Variants in ATP13A4 observed in about 807,000 individuals in gnomAD.
ATP13A4 encodes the protein ATPase 13A4.
A neutral mutation model predicts 142.5 loss-of-function variants in ATP13A4; 114 were observed. That is an observed-to-expected ratio of 0.80 (90% CI 0.69 to 0.93). The LOEUF is 0.93. Among genes scored for constraint, ATP13A4 ranks in the 40% least tolerant of loss-of-function variants. The pLI, the probability that ATP13A4 is intolerant of heterozygous loss-of-function variation, is 0.00. For synonymous variants in ATP13A4, 488 were observed against 514.8 expected, an observed-to-expected ratio of 0.95 and a Z score of 0.70; for missense variants, 1,392 against 1,454.0, an observed-to-expected ratio of 0.96 and a Z score of 0.69.
At chr3:193,566,981 A>G (rs1379932316) in intron 2 of ATP13A4, among the ~76,000 whole-genome samples, 3 of 152,210 alleles carry the variant, frequency 2.0e-5, no homozygotes, top group African/African-American at 7.2e-5. Flanking sequence ...CTTCAACTCT[A>G]TAAAACAGAT....
At chr3:193,486,826 A>G (rs1035481520) in intron 7 of ATP13A4, among the ~76,000 whole-genome samples, 11 of 152,196 alleles carry the variant, frequency 7.2e-5, no homozygotes, top group African/African-American at 2.4e-4. Flanking sequence ...ACTTACATGA[A>G]AAGATCCTCA....
At chr3:193,519,671 C>T (rs901057484) in intron 1 of ATP13A4, among the ~76,000 whole-genome samples, 27 of 105,992 alleles carry the variant, frequency 2.5e-4, no homozygotes, top group African/African-American at 1.0e-3. Context: ...CAGAATCTTG[C>T]TCTGACTCTG....
chr3:193,402,851 T>C lies in ATP13A4; in HGVS notation c.3392A>G (p.Glu1131Gly), dbSNP rs1714317781. The C allele has an allele frequency of 6.2e-7, 1 of 1,613,976 alleles. No homozygotes were observed. Among genetic ancestry groups the C allele is most frequent in the Non-Finnish European group, 8.5e-7 (1 of 1,179,972 alleles). ...AATCATCATCCACAGGGCTCGATTTTCAATAACAGCCTCCTGCAAAATAAA... is the reference window on the plus strand; with the variant it reads ...AATCATCATCCACAGGGCTCGATTTCCAATAACAGCCTCCTGCAAAATAAA... Reference protein sequence around the residue: ...VSLVAEEAVIENRALWMMIKR... With the variant: ...VSLVAEEAVIGNRALWMMIKR... The change falls in exon 30 of 30, where the codon GAA (glutamate) becomes GGA (glycine). Residue 1131 changes from glutamate (E) to glycine (G), a missense_variant. Transcript: ENST00000342695.
At chr3:193,471,105 A>T in intron 8 of ATP13A4, 112 bp from the exon 9 acceptor site, 1 of 1,384,788 alleles carries the variant, frequency 7.2e-7, no homozygotes. Context: ...TTTTTTTTTT[A>T]GAAAGGAGAA....
chr3:193,568,811 A>G (rs562264921), intron 2 of ATP13A4, among the ~76,000 whole-genome samples: 1 of 152,344 alleles, frequency 6.6e-6, no homozygotes, highest in Non-Finnish European at 1.5e-5. Context: ...GGAGCTCCCA[A>G]TGGCCAAAGT....
intron 1 of ATP13A4, among the ~76,000 whole-genome samples, chr3:193,522,920 T>A (rs1721801639): frequency 1.3e-5 from 2 of 152,182 alleles, no homozygotes; most frequent in African/African-American, 4.8e-5. Flanking sequence ...AATAAATAAA[T>A]ATTTTGTCTT....
intron 25 of ATP13A4, among the ~76,000 whole-genome samples, chr3:193,421,731 CATTATA>C (rs1248925993): frequency 6.7e-6 from 1 of 149,550 alleles, no homozygotes; most frequent in Non-Finnish European, 1.5e-5. Flanking sequence ...TAAAACAGTC[CATTATA>C]ATTATAAGAT....
At chr3:193,567,838 T>C (rs1724167483) in intron 2 of ATP13A4, among the ~76,000 whole-genome samples, 2 of 152,238 alleles carry the variant, frequency 1.3e-5, no homozygotes, top group Non-Finnish European at 2.9e-5. Context: ...GTTTAAAGCC[T>C]GCCTGGAGGT....
In ATP13A4 at chr3:193,414,781, G is replaced by A. The variant is rs779997321; in HGVS notation, c.2843-31C>T. The A allele has an allele frequency of 6.9e-6, 11 of 1,603,416 alleles. No individual in the cohort carries two copies. The Admixed American group carries it at 1.8e-4, about 27-fold the overall frequency. ...AAATAAATTCGAATTTTATATTTAT[G>A]AGAGCAGGAAAATGTATTCTTGATC... On this transcript the variant is annotated intron_variant, in intron 25 of 29. Coordinates refer to ENST00000342695, the MANE Select transcript of ATP13A4 (RefSeq NM_032279.4).
At chr3:193,574,294 G>C (rs1724349369) in intron 2 of ATP13A4, among the ~76,000 whole-genome samples, 1 of 152,228 alleles carries the variant, frequency 6.6e-6, no homozygotes, top group East Asian at 1.9e-4. Flanking sequence ...CACATCTCAA[G>C]CTCTCCTCTT....
At chr3:193,560,706 T>C (rs1469434299) in intron 2 of ATP13A4, among the ~76,000 whole-genome samples, 1 of 152,170 alleles carries the variant, frequency 6.6e-6, no homozygotes, top group Non-Finnish European at 1.5e-5. Context: ...GCTTAGGACA[T>C]AGCATTGGGC....
intron 1 of ATP13A4, among the ~76,000 whole-genome samples, chr3:193,587,470 G>C (rs1384181197): frequency 6.6e-6 from 1 of 152,162 alleles, no homozygotes; most frequent in Non-Finnish European, 1.5e-5. Flanking sequence ...AGATAATCTA[G>C]TATAATCTCC....
At chr3:193,503,042 G>A (rs750819165) in intron 2 of ATP13A4, among the ~76,000 whole-genome samples, 1 of 151,920 alleles carries the variant, frequency 6.6e-6, no homozygotes, top group Admixed American at 6.5e-5. Flanking sequence ...CGGGGCAGGG[G>A]GGGGAACTAT....
intron 3 of ATP13A4, among the ~76,000 whole-genome samples, chr3:193,494,376 A>C (rs1351976902): frequency 6.6e-6 from 1 of 152,110 alleles, no homozygotes; most frequent in East Asian, 1.9e-4. Context: ...ATTATACATT[A>C]GGTCACAAAA....
rs767383084 is a variant in ATP13A4, at chr3:193,587,444, C to CA, written n.92-5539dup. Among the ~76,000 whole-genome samples the CA allele has an allele frequency of 5.9e-5, 9 of 152,306 alleles. No individual in the cohort carries two copies. The East Asian group carries it at 1.7e-3, about 29-fold the overall frequency. ...CCTCTCATAAGAATATATTGGATGG[C>CA]ATTTAGGGCCTACCTAGATAATCTA... On this transcript the variant is annotated intron_variant and non_coding_transcript_variant, in intron 1 of 3. Coordinates refer to the ATP13A4 transcript ENST00000489140.
At chr3:193,490,153 G>A (rs1719869482) in intron 6 of ATP13A4, among the ~76,000 whole-genome samples, 1 of 152,132 alleles carries the variant, frequency 6.6e-6, no homozygotes, top group East Asian at 1.9e-4. Flanking sequence ...AAAGTCATGC[G>A]ACTATGATTG....
intron 12 of ATP13A4, among the ~76,000 whole-genome samples, chr3:193,464,575 T>C (rs1386222489): frequency 6.6e-6 from 1 of 152,180 alleles, no homozygotes; most frequent in Admixed American, 6.5e-5. Context: ...ACACTAACTA[T>C]ATGCCAGGCA....
intron 8 of ATP13A4, among the ~76,000 whole-genome samples, chr3:193,471,358 T>C (rs185141500): frequency 2.3e-4 from 35 of 152,176 alleles, no homozygotes; most frequent in Middle Eastern, 3.4e-3. Context: ...AGCCTAGCTG[T>C]TTGAGACCAA....
intron 28 of ATP13A4, among the ~76,000 whole-genome samples, chr3:193,409,577 A>C (rs1714665233): frequency 6.6e-6 from 1 of 152,218 alleles, no homozygotes; most frequent in Non-Finnish European, 1.5e-5. Flanking sequence ...AGAAGTTTTA[A>C]CTGACTTAGA....
Sources: gnomAD v4.1 joint callset for allele counts (sites outside exome capture counted in the v4.1 genomes callset) on GRCh38, gnomAD v4.1.1 for gene constraint, MANE v1.5 for transcripts, NCBI Gene and HGNC (gene_info 2026-07-23, HGNC 2026-07-21) for gene names.